EIF4B: variants seen among roughly 807,000 people sequenced by gnomAD.
The protein encoded by EIF4B is eukaryotic translation initiation factor 4B.
EIF4B carries 8 observed loss-of-function variants against 79.3 expected under a neutral mutation model. The observed-to-expected ratio is 0.10, with a 90% CI of 0.06 to 0.18. The LOEUF (loss-of-function observed/expected upper bound fraction) is 0.18, where lower values mean the gene tolerates loss of function less well. Ranked by LOEUF, EIF4B falls within the 10% of genes least tolerant of loss-of-function variation. EIF4B has a pLI of 1.00. For missense variants in EIF4B, 515 were observed against 792.4 expected (o/e 0.65, Z 4.20); for synonymous variants, 238 against 274.7 (o/e 0.87, Z 1.32).
rs200433061 is a variant in EIF4B, at chr12:53,018,862, C to A, written c.216C>A (p.Ile72=). 2.1e-4 allele frequency: 340 copies of A among 1,613,810 alleles called. No individual in the cohort carries two copies. The African/African-American group carries it at 4.1e-3, about 19-fold the overall frequency. Residue 72 remains isoleucine, a synonymous_variant, in exon 3 of 15, where the codon ATC becomes ATA. Transcript: ENST00000262056. ...GGGCGCCTCCAATTGACCGTTCCAT[C>A]CTTCCCACTGCTCCACGGGCTGCTC... is the stretch of plus-strand genomic sequence containing the variant. ...VYRAPPIDRS[I]LPTAPRAARE...
chr12:53,022,716 A>G, intron 6 of EIF4B, 89 bp downstream of exon 6: 3 of 1,436,318 alleles, frequency 2.1e-6, no homozygotes, highest in Non-Finnish European at 2.8e-6. Flanking sequence ...ATCAGATCAC[A>G]TTAACAGATA....
chr12:53,019,625 C>A (rs1314526599), intron 3 of EIF4B, among the ~76,000 whole-genome samples: 1 of 148,722 alleles, frequency 6.7e-6, no homozygotes, highest in Non-Finnish European at 1.5e-5. Flanking sequence ...TTCGGCCTCC[C>A]AAAGTGCTGG....
At chr12:53,037,693 C>T in intron 11 of EIF4B, 71 bp downstream of exon 11, 2 of 1,534,980 alleles carry the variant, frequency 1.3e-6, no homozygotes, top group East Asian at 2.3e-5. Flanking sequence ...GATGGAAGAT[C>T]TCCTACGGGA....
intron 5 of EIF4B, 141 bp from the exon 6 acceptor site, chr12:53,022,352 C>G (rs560978455): frequency 1.0e-4 from 124 of 1,226,160 alleles, no homozygotes; most frequent in Non-Finnish European, 1.5e-4. Context: ...GGAGCATGTA[C>G]TTATGGGGCC....
intron 8 of EIF4B, among the ~76,000 whole-genome samples, chr12:53,032,081 G>T (rs1447277713): frequency 6.6e-6 from 1 of 152,136 alleles, no homozygotes; most frequent in Non-Finnish European, 1.5e-5. Flanking sequence ...TATTTGTTCA[G>T]TGTTACATGC....
Position 53,027,884 on chromosome 12 carries a change from G to A in EIF4B, c.770G>A (p.Arg257His), listed in dbSNP as rs773283397. The A allele has an allele frequency of 2.5e-6, 4 of 1,614,274 alleles. No individual in the cohort carries two copies. Among genetic ancestry groups the A allele is most frequent in the Non-Finnish European group, 2.5e-6 (3 of 1,180,046 alleles). The change falls in exon 7 of 15, where the codon CGC (arginine) becomes CAC (histidine). Residue 257 changes from arginine to histidine, a missense_variant. Coordinates refer to ENST00000262056, the MANE Select transcript of EIF4B (RefSeq NM_001417.7). ...RDMDRYGGRDRYDDRGSRDYD... is the reference protein window; with the variant it reads ...RDMDRYGGRDHYDDRGSRDYD... Reference sequence around the variant, plus strand: ...ATGGATCGATATGGTGGCCGGGATCGCTATGATGACCGAGGCAGCAGAGAC... The same window carrying A: ...ATGGATCGATATGGTGGCCGGGATCACTATGATGACCGAGGCAGCAGAGAC...
At chr12:53,037,151 C>T (rs920540205) in intron 10 of EIF4B, among the ~76,000 whole-genome samples, 2 of 152,168 alleles carry the variant, frequency 1.3e-5, no homozygotes, top group African/African-American at 4.8e-5. Context: ...TGCAGAAAGG[C>T]TGTAAAGGAT....
Position 53,018,963 on chromosome 12 carries a change from A to G in EIF4B, c.317A>G (p.Asp106Gly), listed in dbSNP as rs2120913901. Residue 106 changes from aspartate (D) to glycine (G), a missense_variant, in exon 3 of 15, where the codon GAT (aspartate) becomes GGT (glycine). Around this residue, in one of 6 missense-constraint regions of EIF4B, gnomAD observed 105 missense variants for 177.2 expected, o/e 0.59. Coordinates refer to ENST00000262056, the MANE Select transcript of EIF4B (RefSeq NM_001417.7). The stretch of plus-strand genomic sequence containing the variant: ...GCTTTTCTAGGAAACCTACCCTATG[A>G]TGTTACAGAAGAGTCAATTAAGGAA... ...YTAFLGNLPY[D>G]VTEESIKEFF... The G allele has an allele frequency of 6.2e-7, 1 of 1,613,950 alleles. No individual in the cohort carries two copies. The highest frequency in any genetic ancestry group is 8.5e-7 in the Non-Finnish European group (1 of 1,179,938).
intron 1 of EIF4B, among the ~76,000 whole-genome samples, chr12:53,011,571 CTG>C (rs1231104635): frequency 6.6e-6 from 1 of 152,132 alleles, no homozygotes; most frequent in Admixed American, 6.6e-5. Context: ...TCAGAGATAA[CTG>C]CTAAAATCCC....
chr12:53,025,092 T>C, intron 6 of EIF4B: 1 of 391,100 alleles, frequency 2.6e-6, no homozygotes, highest in Admixed American at 3.1e-5. Context: ...GAATGGGTCA[T>C]AGGTCTGAAA....
intron 9 of EIF4B, 137 bp from the exon 10 acceptor site, chr12:53,034,475 A>T: frequency 1.2e-6 from 1 of 813,858 alleles, no homozygotes; most frequent in Non-Finnish European, 2.0e-6. Flanking sequence ...GCTTTCAAAT[A>T]GTTTGAGGGA....
chr12:53,019,432 TATA>T (rs774519424), intron 3 of EIF4B, among the ~76,000 whole-genome samples: 11,168 of 73,524 alleles, frequency 0.15, 731 homozygotes, highest in Middle Eastern at 0.25. Flanking sequence ...ATTATATATA[TATA>T]TATTTTTTTT....
rs1047042426 is a variant in EIF4B, at chr12:53,016,269, G to A, written c.14-204G>A. ...CAGACCCTTTTCCGTACGTAAACAT[G>A]TGTTTACACATAATAGGTATTCTGC... On this transcript the variant is annotated intron_variant, in intron 1 of 14. Transcript: ENST00000262056. Among the ~76,000 whole-genome samples the A allele has an allele frequency of 2.9e-5, 3 of 102,546 alleles. No individual in the cohort carries two copies. In the East Asian group the frequency reaches 2.6e-3, roughly 89 times the overall value. The allele number at this position is 102,546 out of a possible 152,430, so 67.3% of individuals were successfully genotyped here. A position where few individuals can be genotyped will look rare whatever the true frequency, so the allele number is the denominator to read the frequency against.
At chr12:53,007,009 G>A (rs1306948527) in intron 1 of EIF4B, among the ~76,000 whole-genome samples, 3 of 152,084 alleles carry the variant, frequency 2.0e-5, no homozygotes, top group Non-Finnish European at 2.9e-5. Context: ...GGAAGGCAGC[G>A]GTGCGCGTGC....
chr12:53,022,080 G>A (rs1326006716), intron 5 of EIF4B, among the ~76,000 whole-genome samples: 1 of 152,204 alleles, frequency 6.6e-6, no homozygotes, highest in Non-Finnish European at 1.5e-5. Context: ...GAATCCAGGG[G>A]TTAATTCTAT....
chr12:53,039,792 A>G (rs1392865279), intron 14 of EIF4B, 90 bp downstream of exon 14: 6 of 1,429,340 alleles, frequency 4.2e-6, no homozygotes, highest in Non-Finnish European at 5.7e-6. Context: ...AATTCTTAGT[A>G]TTCTAAACTT....
At chr12:53,034,139 GGTTGT>G in intron 9 of EIF4B, 105 bp downstream of exon 9, 1 of 1,170,900 alleles carries the variant, frequency 8.5e-7, no homozygotes, top group Non-Finnish European at 1.2e-6. Flanking sequence ...TCACATTAGT[GGTTGT>G]CACTGATGGG....
chr12:53,039,742 A>G (rs1943599157), intron 14 of EIF4B, 40 bp downstream of exon 14: 1 of 1,586,880 alleles, frequency 6.3e-7, no homozygotes, highest in Non-Finnish European at 8.6e-7. Flanking sequence ...CATTCTAAGA[A>G]AAATTCTTAG....
chr12:53,037,687 G>A, intron 11 of EIF4B, 65 bp downstream of exon 11: 2 of 1,557,814 alleles, frequency 1.3e-6, no homozygotes, highest in Non-Finnish European at 1.8e-6. Context: ...TGTAATGATG[G>A]AAGATCTCCT....
Sources: allele counts gnomAD v4.1 joint callset (sites outside exome capture counted in the v4.1 genomes callset), GRCh38; gene constraint gnomAD v4.1.1; regional missense constraint gnomAD v4.1.1; transcripts MANE v1.5; gene names NCBI Gene and HGNC (gene_info 2026-07-23, HGNC 2026-07-21).